RNF4: variants seen among roughly 807,000 people sequenced by gnomAD.
The protein encoded by RNF4 is E3 ubiquitin-protein ligase RNF4.
Under a neutral mutation model 24.3 loss-of-function variants are expected in RNF4, and 7 were observed. The observed-to-expected ratio is 0.29, with a 90% confidence interval of 0.16 to 0.54. RNF4 has a LOEUF of 0.54. Ranked by LOEUF, RNF4 falls within the 20% of genes least tolerant of loss-of-function variation. RNF4 has a pLI of 0.95. For synonymous variants in RNF4, 83 were observed against 84.3 expected (o/e 0.98, Z 0.09); for missense variants, 209 against 248.5 (o/e 0.84, Z 1.07).
chr4:2,496,453 CCTTTTGACCTGCTGATAG>C lies in RNF4; in HGVS notation c.10-553_10-536del, dbSNP rs1319069768. On this transcript the variant is annotated intron_variant, in intron 2 of 7. Transcript: ENST00000314289. ...CTTTTGTAAAGGGATGCATCGTGTC[CCTTTTGACCTGCTGATAG>C]TTTTTTTGAGATGGAGTCTCACACT... 3.9e-5 allele frequency among the ~76,000 whole-genome samples: 6 copies of C among 152,186 alleles called. No individual in the cohort carries two copies. In the East Asian group the frequency reaches 1.2e-3, roughly 29 times the overall value.
At chr4:2,499,555 T>C in intron 3 of RNF4, 1 of 242,030 alleles carries the variant, frequency 4.1e-6, no homozygotes, top group South Asian at 3.7e-5. Context: ...GGATTACAGG[T>C]GTGAACCACT....
intron 4 of RNF4, among the ~76,000 whole-genome samples, chr4:2,502,774 G>A (rs2108771871): frequency 6.6e-6 from 1 of 151,106 alleles, no homozygotes; most frequent in Non-Finnish European, 1.5e-5. Context: ...AACCCAGGAG[G>A]CGGAGGTTGC....
intron 1 of RNF4, among the ~76,000 whole-genome samples, chr4:2,489,257 G>A (rs1735507658): frequency 1.3e-5 from 2 of 152,208 alleles, no homozygotes; most frequent in Admixed American, 6.5e-5. Context: ...CGGAAAGATG[G>A]CCTGGCAGTA....
intron 4 of RNF4, among the ~76,000 whole-genome samples, chr4:2,509,817 T>C (rs1163667766): frequency 6.6e-6 from 1 of 152,150 alleles, no homozygotes; most frequent in Non-Finnish European, 1.5e-5. Context: ...TTTCCAGGTG[T>C]CCACACCTAA....
At chr4:2,506,724 T>C (rs543934124) in intron 4 of RNF4, among the ~76,000 whole-genome samples, 86 of 152,146 alleles carry the variant, frequency 5.7e-4, no homozygotes, top group Non-Finnish European at 1.0e-3. Context: ...TATGTCACCA[T>C]CCCTGGCTGA....
In RNF4 at chr4:2,490,486, A is replaced by C; in HGVS notation, c.-8A>C. 6.2e-7 allele frequency: 1 copy of C among 1,612,512 alleles called. No homozygotes were observed. Among genetic ancestry groups the C allele is most frequent in the Non-Finnish European group, 8.5e-7 (1 of 1,179,248 alleles). The stretch of plus-strand genomic sequence containing the variant: ...TTCTGTAGGAAAGGAAAGGCACCAA[A>C]GAGCACAATGAGTACAGTAAGTTTT... On this transcript the variant is annotated 5_prime_UTR_variant, in exon 2 of 8. Coordinates refer to ENST00000314289, the MANE Select transcript of RNF4 (RefSeq NM_002938.5).
rs1736280367 is a variant in RNF4 at position 2,511,948 on chromosome 4, T to C, written c.205-8T>C. Reference sequence around the variant, plus strand: ...TTTCTCTTTTGTTTTTCTCCTTCTGTTTACAAGATTGTTGACGGTGAGTGG... The same window carrying C: ...TTTCTCTTTTGTTTTTCTCCTTCTGCTTACAAGATTGTTGACGGTGAGTGG... On this transcript the variant is annotated splice_region_variant and splice_polypyrimidine_tract_variant and intron_variant, in intron 4 of 7. Coordinates refer to ENST00000314289, the MANE Select transcript of RNF4 (RefSeq NM_002938.5). 2 of 1,605,098 alleles carry C rather than the reference T, an allele frequency of 1.2e-6. No individual in the cohort carries two copies. The highest frequency in any genetic ancestry group is 2.7e-5 in the African/African-American group (2 of 74,988).
At chr4:2,496,155 A>G (rs975460063) in intron 2 of RNF4, among the ~76,000 whole-genome samples, 5 of 152,092 alleles carry the variant, frequency 3.3e-5, no homozygotes, top group African/African-American at 1.2e-4. Context: ...TGGTTCTTTG[A>G]GTTCTTTGTG....
Position 2,499,437 on chromosome 4 carries a change from T to G in RNF4, c.125-1222T>G, listed in dbSNP as rs372738436. ...GATTACAGGCATGTGCCACCACACC[T>G]CGCTAATTTTGTATTTTTAGTAGAA... On this transcript the variant is annotated intron_variant, in intron 3 of 7. Transcript: ENST00000314289. 8.1e-5 allele frequency: 27 copies of G among 334,800 alleles called. No individual in the cohort carries two copies. The East Asian group carries it at 1.1e-3, about 14-fold the overall frequency. 20.7% of individuals were successfully genotyped at this position (334,800 alleles called of 1,614,324 possible).
intron 4 of RNF4, among the ~76,000 whole-genome samples, chr4:2,503,879 C>T (rs961067): frequency 0.24 from 35,856 of 152,072 alleles, 4,448 homozygotes; most frequent in East Asian, 0.29. Context: ...TAGCTCTGTA[C>T]CTGTAATATA....
In RNF4 at chr4:2,512,017, G is replaced by A. The variant is rs755878035; in HGVS notation, c.214+52G>A. ...TGGGTTTGGAGAGGAAACTGGCATA[G>A]GTGAGAGCCGCGGTGCTGCAGGTCT... On this transcript the variant is annotated intron_variant, in intron 5 of 7. Coordinates refer to ENST00000314289, the MANE Select transcript of RNF4 (RefSeq NM_002938.5). The surrounding 1 kb of genome is among the most constrained non-coding windows in gnomAD (Gnocchi z 4.1). 6.4e-7 allele frequency: 1 copy of A among 1,565,842 alleles called. No homozygotes were observed. Among genetic ancestry groups the A allele is most frequent in the Non-Finnish European group, 8.7e-7 (1 of 1,146,172 alleles).
chr4:2,479,267 T>C (rs182458066), intron 1 of RNF4, among the ~76,000 whole-genome samples: 3 of 152,210 alleles, frequency 2.0e-5, no homozygotes, highest in African/African-American at 7.2e-5. Context: ...ACTTGCCTTG[T>C]CTCGGATGAG....
At chr4:2,475,315 G>A (rs755191811) in intron 1 of RNF4, among the ~76,000 whole-genome samples, 18 of 151,790 alleles carry the variant, frequency 1.2e-4, no homozygotes, top group Admixed American at 1.1e-3. Context: ...ACAGGCGCAC[G>A]CCACCGCACC....
At chr4:2,478,867 C>G (rs1446963557) in intron 1 of RNF4, among the ~76,000 whole-genome samples, 1 of 152,260 alleles carries the variant, frequency 6.6e-6, no homozygotes, top group Non-Finnish European at 1.5e-5. Context: ...AAGAGGGCCA[C>G]TGTCCTCCAC....
intron 2 of RNF4, among the ~76,000 whole-genome samples, chr4:2,490,955 G>C (rs1455112992): frequency 6.6e-6 from 1 of 152,146 alleles, no homozygotes; most frequent in East Asian, 1.9e-4. Flanking sequence ...AGGCGTGGTG[G>C]GGCGCACCTG....
chr4:2,501,386 CACCTGATGCCTGCTGCG>C, intron 4 of RNF4, among the ~76,000 whole-genome samples: 1 of 152,092 alleles, frequency 6.6e-6, no homozygotes, highest in East Asian at 1.9e-4. Flanking sequence ...CCTGCATTGC[CACCTGATGCCTGCTGCG>C]TCCTGATGCC....
At chr4:2,490,676 G>A in intron 2 of RNF4, 174 bp downstream of exon 2, 1 of 615,230 alleles carries the variant, frequency 1.6e-6, no homozygotes, top group Non-Finnish European at 2.8e-6. Flanking sequence ...TACCGACATT[G>A]AGCTACATTC....
chr4:2,513,359 C>T (rs1342847927), intron 7 of RNF4, among the ~76,000 whole-genome samples: 2 of 152,144 alleles, frequency 1.3e-5, no homozygotes, highest in African/African-American at 2.4e-5. Flanking sequence ...CCTGAGCTTC[C>T]GGGTGCAAAT....
chr4:2,497,359 A>C, intron 3 of RNF4: 2 of 335,864 alleles, frequency 6.0e-6, no homozygotes, highest in Non-Finnish European at 1.1e-5. Context: ...ATCTAGCGCA[A>C]ATGAGATAGC....
Sources: allele counts gnomAD v4.1 joint callset (sites outside exome capture counted in the v4.1 genomes callset), GRCh38; gene constraint gnomAD v4.1.1; non-coding constraint Gnocchi (gnomAD v3.1); transcripts MANE v1.5; gene names NCBI Gene and HGNC (gene_info 2026-07-23, HGNC 2026-07-21).